XKR6: variants seen among roughly 807,000 people sequenced by gnomAD.
The protein encoded by XKR6 is XK related 6.
Under a neutral mutation model 56.7 loss-of-function variants are expected in XKR6, and 22 were observed. The observed-to-expected ratio is 0.39, with a 90% confidence interval of 0.28 to 0.55. XKR6 has a LOEUF of 0.55. Ranked by LOEUF, XKR6 falls within the 20% of genes least tolerant of loss-of-function variation. XKR6 has a pLI of 0.66. For synonymous variants in XKR6, 524 were observed against 387.8 expected, an observed-to-expected ratio of 1.35 and a Z score of -4.13; for missense variants, 852 against 889.0, an observed-to-expected ratio of 0.96 and a Z score of 0.53.
chr8:10,998,182 C>T (rs1798157873), intron 1 of XKR6, among the ~76,000 whole-genome samples: 1 of 152,138 alleles, frequency 6.6e-6, no homozygotes, highest in Non-Finnish European at 1.5e-5. Context: ...ATCACCCCTT[C>T]TCCCACTGAG....
intron 1 of XKR6, among the ~76,000 whole-genome samples, chr8:10,962,044 A>T (rs1286326357): frequency 1.3e-5 from 2 of 152,200 alleles, no homozygotes; most frequent in Non-Finnish European, 2.9e-5. Context: ...TAAAATGCTG[A>T]TCTTACTGTG....
chr8:11,201,043 C>T lies in XKR6; in HGVS notation c.297G>A (p.Ala99=). 1 of 1,209,320 alleles carries T rather than the reference C, an allele frequency of 8.3e-7. No individual in the cohort carries two copies. The highest frequency in any genetic ancestry group is 1.0e-6 in the Non-Finnish European group (1 of 977,706). The allele number at this position is 1,209,320 out of a possible 1,614,324, so 74.9% of individuals were successfully genotyped here. ...GGGGTTGGCGGCCGGCGCCGGGGGC[C>T]GCGGGAGGCTGCAGCGGCTGGTCCC... The part of the protein sequence containing the change: ...DGGDQPLQPP[A]APGAGRQPPT... Residue 99 remains alanine (A), a synonymous_variant, in exon 1 of 3, where the codon GCG becomes GCA. Coordinates refer to ENST00000416569, the MANE Select transcript of XKR6 (RefSeq NM_173683.4).
intron 1 of XKR6, among the ~76,000 whole-genome samples, chr8:11,156,840 C>CACACACAT: frequency 6.6e-6 from 1 of 152,134 alleles, no homozygotes; most frequent in South Asian, 2.1e-4. Flanking sequence ...GATGCACACA[C>CACACACAT]ACACACATAC....
intron 1 of XKR6, among the ~76,000 whole-genome samples, chr8:10,950,094 T>C (rs1801673170): frequency 6.6e-6 from 1 of 151,994 alleles, no homozygotes; most frequent in African/African-American, 2.4e-5. Context: ...CATGGCAGGA[T>C]GGATGGAAGC....
chr8:10,924,036 T>C (rs146766621), intron 2 of XKR6, among the ~76,000 whole-genome samples: 1 of 152,332 alleles, frequency 6.6e-6, no homozygotes, highest in East Asian at 1.9e-4. Flanking sequence ...CACTTTGGGA[T>C]GATCCTTCTT....
intron 1 of XKR6, among the ~76,000 whole-genome samples, chr8:11,102,139 A>T (rs1298745105): frequency 1.3e-5 from 2 of 152,190 alleles, no homozygotes; most frequent in African/African-American, 2.4e-5. Flanking sequence ...CTGTGGGTCA[A>T]TCCCAACTGA....
chr8:11,107,975 C>A (rs1159335621), intron 1 of XKR6: 1 of 309,872 alleles, frequency 3.2e-6, no homozygotes, highest in Non-Finnish European at 6.2e-6. Flanking sequence ...TCTCTCCACT[C>A]GGTCCCAATA....
chr8:11,168,990 T>C (rs532388299), intron 1 of XKR6, among the ~76,000 whole-genome samples: 2 of 152,210 alleles, frequency 1.3e-5, no homozygotes, highest in African/African-American at 4.8e-5. Context: ...CAAGCCTCTA[T>C]GAATCATCGC....
At chr8:11,175,541 CTGAAGAAAT>C (rs1563195529) in intron 1 of XKR6, 1 of 152,160 alleles carries the variant, frequency 6.6e-6, no homozygotes, top group African/African-American at 2.4e-5. Flanking sequence ...TGAGAAGAAA[CTGAAGAAAT>C]AAAAACTTAC....
intron 1 of XKR6, among the ~76,000 whole-genome samples, chr8:11,048,690 G>C (rs991810585): frequency 6.6e-6 from 1 of 152,150 alleles, no homozygotes; most frequent in Admixed American, 6.5e-5. Context: ...CCCTTCCTGG[G>C]TGACTCTGGA....
chr8:11,095,062 G>A (rs1020196080), intron 1 of XKR6, among the ~76,000 whole-genome samples: 1 of 152,296 alleles, frequency 6.6e-6, no homozygotes, highest in African/African-American at 2.4e-5. Flanking sequence ...AAGAAAAAAA[G>A]TAGGCTGATA....
At chr8:11,012,274 T>C (rs563442032) in intron 1 of XKR6, among the ~76,000 whole-genome samples, 1 of 152,362 alleles carries the variant, frequency 6.6e-6, no homozygotes, top group Admixed American at 6.5e-5. Context: ...GGACCTCAGC[T>C]GCTAGGGAAC....
At chr8:11,135,123 C>G (rs1179663482) in intron 1 of XKR6, among the ~76,000 whole-genome samples, 4 of 151,750 alleles carry the variant, frequency 2.6e-5, no homozygotes, top group Non-Finnish European at 5.9e-5. Flanking sequence ...AGCTCCGCCT[C>G]CCGGGTTCAC....
chr8:11,179,050 G>C (rs1426322679), intron 1 of XKR6, among the ~76,000 whole-genome samples: 2 of 146,352 alleles, frequency 1.4e-5, no homozygotes, highest in Non-Finnish European at 3.0e-5. Flanking sequence ...GGAGAGCTAG[G>C]GTCTCCCATG....
intron 1 of XKR6, among the ~76,000 whole-genome samples, chr8:11,193,256 C>CA (rs1714398290): frequency 6.6e-6 from 1 of 152,100 alleles, no homozygotes; most frequent in Admixed American, 6.5e-5. Context: ...ACTAAGAAGA[C>CA]AAAAACACTC....
intron 1 of XKR6, among the ~76,000 whole-genome samples, chr8:11,052,445 G>T (rs1344082523): frequency 4.6e-5 from 7 of 152,220 alleles, no homozygotes; most frequent in Non-Finnish European, 1.0e-4. Context: ...TGTGTGTCCA[G>T]TTCCCTGTGG....
chr8:10,997,895 C>T (rs1045747097), intron 1 of XKR6, among the ~76,000 whole-genome samples: 1 of 152,132 alleles, frequency 6.6e-6, no homozygotes, highest in African/African-American at 2.4e-5. Context: ...AGCAACTTGA[C>T]CTTAAAATAG....
intron 1 of XKR6, chr8:11,062,531 C>T (rs1014289405): frequency 4.2e-5 from 15 of 355,472 alleles, no homozygotes; most frequent in African/African-American, 1.9e-4. Flanking sequence ...TCTACCTGCC[C>T]GATCCAGCAA....
At chr8:11,035,005 C>A (rs1048269427) in intron 1 of XKR6, among the ~76,000 whole-genome samples, 1 of 152,246 alleles carries the variant, frequency 6.6e-6, no homozygotes, top group Non-Finnish European at 1.5e-5. Context: ...CCTGAAGACT[C>A]TGCATTTCAT....
Sources: allele counts gnomAD v4.1 joint callset (sites outside exome capture counted in the v4.1 genomes callset), GRCh38; gene constraint gnomAD v4.1.1; transcripts MANE v1.5; gene names NCBI Gene and HGNC (gene_info 2026-07-23, HGNC 2026-07-21).